JAKMIP1: variants seen among roughly 807,000 people sequenced by gnomAD.
The protein encoded by JAKMIP1 is janus kinase and microtubule-interacting protein 1.
A neutral mutation model predicts 113.0 loss-of-function variants in JAKMIP1; 33 were observed. The observed-to-expected ratio is 0.29, with a 90% CI of 0.22 to 0.39. The LOEUF (loss-of-function observed/expected upper bound fraction) is 0.39, where lower values mean the gene tolerates loss of function less well. JAKMIP1 is among the 10% of genes least tolerant of loss of function. JAKMIP1 has a pLI of 1.00. For missense variants in JAKMIP1, 813 were observed against 1,080.5 expected (o/e 0.75, Z 3.47); for synonymous variants, 480 against 459.9 (o/e 1.04, Z -0.56).
At position 6,186,510 on chromosome 4, in the gene JAKMIP1, T is replaced by C. The variant is rs757477228; in HGVS notation, c.-148+13743A>G. 1.3e-5 allele frequency among the ~76,000 whole-genome samples: 2 copies of C among 152,234 alleles called. No homozygotes were observed. The highest frequency in any genetic ancestry group is 1.9e-4 in the East Asian group (1 of 5,196). Reference sequence around the variant, plus strand: ...GCTACTGACTTCTAACTTCATTGCATTGTAGTCACAGAACGTGCTTTGCTT... The same window carrying C: ...GCTACTGACTTCTAACTTCATTGCACTGTAGTCACAGAACGTGCTTTGCTT... On this transcript the variant is annotated intron_variant, in intron 1 of 20. Coordinates refer to ENST00000409021, the MANE Select transcript of JAKMIP1 (RefSeq NM_001099433.2). The surrounding 1 kb of genome is among the most constrained non-coding windows in gnomAD (Gnocchi z 5.5).
At chr4:6,103,496 T>C (rs1713422936) in intron 3 of JAKMIP1, among the ~76,000 whole-genome samples, 1 of 152,246 alleles carries the variant, frequency 6.6e-6, no homozygotes, top group African/African-American at 2.4e-5. Flanking sequence ...GCTTTTGGAA[T>C]CAGAGTTACA....
Position 6,181,244 on chromosome 4 carries a change from A to G in JAKMIP1, c.-148+19009T>C, listed in dbSNP as rs57658650. On this transcript the variant is annotated intron_variant, in intron 1 of 20. Transcript: ENST00000409021. The surrounding 1 kb of genome is among the most constrained non-coding windows in gnomAD (Gnocchi z 5.4). ...AGATGTGCTGGTGGACGCAGTTCAC[A>G]TTTCTTAGGCTTCCTCTCAAGAAAG... Among the ~76,000 whole-genome samples the G allele has an allele frequency of 0.021, 3,125 of 152,238 alleles. 97 individuals carry two copies. The highest frequency in any genetic ancestry group is 0.07 in the African/African-American group (2,909 of 41,510).
chr4:6,156,488 T>G lies in JAKMIP1; in HGVS notation c.-147-43491A>C, dbSNP rs1484284270. Among the ~76,000 whole-genome samples the G allele has an allele frequency of 6.6e-6, 1 of 152,202 alleles. No individual in the cohort carries two copies. The highest frequency in any genetic ancestry group is 1.5e-5 in the Non-Finnish European group (1 of 68,034). On this transcript the variant is annotated intron_variant, in intron 1 of 20. Transcript: ENST00000409021. This position sits in a 1 kb window ranked among gnomAD's most constrained non-coding sequence, Gnocchi z 5.0. ...TTAGCTGCCAACACAGCTAACAGAT[T>G]GTTGTGCATTTCCTTTCTTATAATT...
chr4:6,028,393 G>T (rs1209154470), intron 20 of JAKMIP1, among the ~76,000 whole-genome samples: 2 of 152,176 alleles, frequency 1.3e-5, no homozygotes, highest in South Asian at 2.1e-4. Flanking sequence ...GTCCACTTGC[G>T]ACCCGGCAGG....
At position 6,139,722 on chromosome 4, in the gene JAKMIP1, T is replaced by A. The variant is rs528608672; in HGVS notation, c.-147-26725A>T. Among the ~76,000 whole-genome samples the A allele has an allele frequency of 9.5e-4, 145 of 151,990 alleles. 7 individuals are homozygous for A. In the South Asian group the frequency reaches 0.028, roughly 30 times the overall value. The stretch of plus-strand genomic sequence containing the variant: ...CGGAGGTTGCAGTGAGCCAAGACCA[T>A]GCCACTGTGCTCCAGCCTGGGTGAC... On this transcript the variant is annotated intron_variant, in intron 1 of 20. Transcript: ENST00000409021. The surrounding 1 kb of genome is among the most constrained non-coding windows in gnomAD (Gnocchi z 5.2).
At chr4:6,048,734 G>A (rs1283588444) in intron 16 of JAKMIP1, 123 bp downstream of exon 16, 34 of 752,268 alleles carry the variant, frequency 4.5e-5, no homozygotes, top group East Asian at 8.0e-5. Context: ...GCATGTGCAC[G>A]TGCAGACGCA....
In JAKMIP1 at chr4:6,040,275, T is replaced by G. The variant is rs890918198; in HGVS notation, c.2175+364A>C. ...TAATTGCTTTACCTCTGCGTTCCTT[T>G]GTGATCATCTCTTTTTCCTATTTAT... is the stretch of plus-strand genomic sequence containing the variant. On this transcript the variant is annotated intron_variant, in intron 18 of 20. Transcript: ENST00000409021. The surrounding 1 kb of genome is among the most constrained non-coding windows in gnomAD (Gnocchi z 5.8). Among the ~76,000 whole-genome samples, 17 of 152,222 alleles carry G rather than the reference T, an allele frequency of 1.1e-4. No individual in the cohort carries two copies. The highest frequency in any genetic ancestry group is 1.5e-5 in the Non-Finnish European group (1 of 68,038).
At position 6,080,448 on chromosome 4, in the gene JAKMIP1, G is replaced by C; in HGVS notation, c.1102-136C>G. ...ATGAAAGAGATGATGGCCTGATATG[G>C]TTTGGCTGTGTCCCCACCCAAATCT... On this transcript the variant is annotated intron_variant, in intron 6 of 20. Coordinates refer to ENST00000409021, the MANE Select transcript of JAKMIP1 (RefSeq NM_001099433.2). This position sits in a 1 kb window ranked among gnomAD's most constrained non-coding sequence, Gnocchi z 6.0. 9.4e-7 allele frequency: 1 copy of C among 1,068,028 alleles called. No homozygotes were observed. The highest frequency in any genetic ancestry group is 2.7e-5 in the Admixed American group (1 of 36,880). 66.2% of individuals were successfully genotyped at this position (1,068,028 alleles called of 1,614,324 possible). A position where few individuals can be genotyped will look rare whatever the true frequency, so the allele number is the denominator to read the frequency against.
chr4:6,164,667 C>T (rs932066989), intron 1 of JAKMIP1, among the ~76,000 whole-genome samples: 1 of 152,182 alleles, frequency 6.6e-6, no homozygotes, highest in Admixed American at 6.5e-5. Context: ...ATTCATGATT[C>T]ATGAGAAGAG....
At chr4:6,099,187 TG>T (rs1393860950) in intron 3 of JAKMIP1, among the ~76,000 whole-genome samples, 14 of 152,262 alleles carry the variant, frequency 9.2e-5, no homozygotes, top group Non-Finnish European at 1.8e-4. Flanking sequence ...GCCTTTTAAC[TG>T]GTTTAGTCCA....
At chr4:6,164,168 T>C (rs79150217) in intron 1 of JAKMIP1, among the ~76,000 whole-genome samples, 2,371 of 152,328 alleles carry the variant, frequency 0.016, 55 homozygotes, top group African/African-American at 0.055. Flanking sequence ...GAGAAGTCGA[T>C]GCCTAGCTTC....
intron 19 of JAKMIP1, among the ~76,000 whole-genome samples, chr4:6,030,626 G>T (rs551345841): frequency 1.3e-5 from 2 of 152,352 alleles, no homozygotes; most frequent in African/African-American, 4.8e-5. Flanking sequence ...TCTGCCCAGC[G>T]GGCTGCTGGC....
Position 6,059,260 on chromosome 4 carries a change from T to C in JAKMIP1, c.1644+1164A>G, listed in dbSNP as rs937836827. Among the ~76,000 whole-genome samples, 1 of 152,206 alleles carries C rather than the reference T, an allele frequency of 6.6e-6. No homozygotes were observed. Among genetic ancestry groups the C allele is most frequent in the Non-Finnish European group, 1.5e-5 (1 of 68,032 alleles). ...GTGGTGACCTGCTCTGTGCCAGGCA[T>C]GCATGCTGGTCGCTGGCCGTCCGCC... On this transcript the variant is annotated intron_variant, in intron 11 of 20. Coordinates refer to ENST00000409021, the MANE Select transcript of JAKMIP1 (RefSeq NM_001099433.2). The surrounding 1 kb of genome is among the most constrained non-coding windows in gnomAD (Gnocchi z 4.8).
chr4:6,186,808 C>T lies in JAKMIP1; in HGVS notation c.-148+13445G>A, dbSNP rs1362742596. On this transcript the variant is annotated intron_variant, in intron 1 of 20. Transcript: ENST00000409021. This position sits in a 1 kb window ranked among gnomAD's most constrained non-coding sequence, Gnocchi z 5.5. ...ACTATTGTTGTTGAATTATCTATTT[C>T]TCCCTTCACTTCTGTCAGGTTTTTT... is the stretch of plus-strand genomic sequence containing the variant. Among the ~76,000 whole-genome samples the T allele has an allele frequency of 6.6e-6, 1 of 152,102 alleles. No homozygotes were observed. Among genetic ancestry groups the T allele is most frequent in the African/African-American group, 2.4e-5 (1 of 41,402 alleles).
intron 19 of JAKMIP1, among the ~76,000 whole-genome samples, chr4:6,030,294 C>A (rs1712447900): frequency 6.6e-6 from 1 of 152,070 alleles, no homozygotes; most frequent in Non-Finnish European, 1.5e-5. Flanking sequence ...GGAGCCACTG[C>A]ACCAGCATCC....
chr4:6,093,307 G>A lies in JAKMIP1; in HGVS notation c.625-7678C>T, dbSNP rs911028108. Among the ~76,000 whole-genome samples the A allele has an allele frequency of 3.3e-5, 5 of 152,156 alleles. No individual in the cohort carries two copies. Among genetic ancestry groups the A allele is most frequent in the Non-Finnish European group, 5.9e-5 (4 of 68,036 alleles). On this transcript the variant is annotated intron_variant, in intron 3 of 20. Transcript: ENST00000409021. The surrounding 1 kb of genome is among the most constrained non-coding windows in gnomAD (Gnocchi z 4.6). ...GCTCACACTCCAGTTAACTGTAAGC[G>A]CTTTGCTGCCTGGAATCGTGTCTTA...
At position 6,059,461 on chromosome 4, in the gene JAKMIP1, G is replaced by T. The variant is rs1716954801; in HGVS notation, c.1644+963C>A. ...TCCCACTGTATCCCACCAGGCCTAG[G>T]AACTGTGGTAGACCTTGCCTGGCCT... On this transcript the variant is annotated intron_variant, in intron 11 of 20. Coordinates refer to ENST00000409021, the MANE Select transcript of JAKMIP1 (RefSeq NM_001099433.2). This position sits in a 1 kb window ranked among gnomAD's most constrained non-coding sequence, Gnocchi z 4.8. Among the ~76,000 whole-genome samples, 1 of 152,110 alleles carries T rather than the reference G, an allele frequency of 6.6e-6. No individual in the cohort carries two copies. The highest frequency in any genetic ancestry group is 2.4e-5 in the African/African-American group (1 of 41,434).
chr4:6,127,109 C>T (rs375396059), intron 1 of JAKMIP1, among the ~76,000 whole-genome samples: 19 of 152,272 alleles, frequency 1.2e-4, no homozygotes, highest in East Asian at 7.7e-4. Flanking sequence ...CAGCAATCCC[C>T]GGCCAAGGGA....
chr4:6,176,956 C>A lies in JAKMIP1; in HGVS notation c.-148+23297G>T, dbSNP rs1203620307. Among the ~76,000 whole-genome samples the A allele has an allele frequency of 6.6e-6, 1 of 152,134 alleles. No individual in the cohort carries two copies. The highest frequency in any genetic ancestry group is 2.4e-5 in the African/African-American group (1 of 41,422). On this transcript the variant is annotated intron_variant, in intron 1 of 20. Coordinates refer to ENST00000409021, the MANE Select transcript of JAKMIP1 (RefSeq NM_001099433.2). This position sits in a 1 kb window ranked among gnomAD's most constrained non-coding sequence, Gnocchi z 5.5. ...GCTGAGGTGGGAGGATCGCTTGCAT[C>A]GGGGAGGTTGAGGCTGCAGTGAGCC...
Sources: allele counts gnomAD v4.1 joint callset (sites outside exome capture counted in the v4.1 genomes callset), GRCh38; gene constraint gnomAD v4.1.1; non-coding constraint Gnocchi (gnomAD v3.1); transcripts MANE v1.5; gene names NCBI Gene and HGNC (gene_info 2026-07-23, HGNC 2026-07-21).